PLCXD2: variants seen among roughly 807,000 people sequenced by gnomAD.
The protein encoded by PLCXD2 is phosphatidylinositol specific phospholipase C X domain containing 2.
Under a neutral mutation model 28.6 loss-of-function variants are expected in PLCXD2, and 21 were observed. The observed-to-expected ratio is 0.73, with a 90% CI of 0.52 to 1.06. The LOEUF is 1.06. Ranked by LOEUF, PLCXD2 falls within the 50% of genes least tolerant of loss-of-function variation. The pLI, the probability that PLCXD2 is intolerant of heterozygous loss-of-function variation, is 0.00. For missense variants in PLCXD2, 369 were observed against 376.7 expected (o/e 0.98, Z 0.17); for synonymous variants, 140 against 150.1 (o/e 0.93, Z 0.49).
chr3:111,697,034 G>A (rs1559794073), intron 1 of PLCXD2, among the ~76,000 whole-genome samples: 1 of 152,036 alleles, frequency 6.6e-6, no homozygotes, highest in Non-Finnish European at 1.5e-5. Context: ...ACATAGACAT[G>A]CACATAAATA....
intron 1 of PLCXD2, among the ~76,000 whole-genome samples, chr3:111,693,552 AC>A (rs1383579907): frequency 6.6e-6 from 1 of 152,198 alleles, no homozygotes; most frequent in Non-Finnish European, 1.5e-5. Flanking sequence ...TATTGTAGTT[AC>A]TTCAATAGTA....
chr3:111,725,888 T>G (rs1211655386), intron 3 of PLCXD2: 1 of 398,464 alleles, frequency 2.5e-6, no homozygotes, highest in African/African-American at 2.1e-5. Flanking sequence ...CTCCTGGCCA[T>G]TCTCCATCAT....
intron 2 of PLCXD2, among the ~76,000 whole-genome samples, chr3:111,709,985 C>T (rs1215473202): frequency 6.6e-6 from 1 of 152,080 alleles, no homozygotes; most frequent in Non-Finnish European, 1.5e-5. Context: ...CTGTTAGTGG[C>T]AAGTGGTCAG....
chr3:111,687,684 C>CTTTTTTT (rs5851776), intron 1 of PLCXD2, among the ~76,000 whole-genome samples: 7 of 137,312 alleles, frequency 5.1e-5, no homozygotes, highest in Admixed American at 7.3e-5. Context: ...TTCTTTCTTT[C>CTTTTTTT]TTTTTTTTTT....
intron 3 of PLCXD2, among the ~76,000 whole-genome samples, chr3:111,716,519 T>C (rs1179206737): frequency 6.6e-6 from 1 of 152,188 alleles, no homozygotes; most frequent in Non-Finnish European, 1.5e-5. Flanking sequence ...TCAATTTCCA[T>C]GGTGGTTTCT....
At chr3:111,719,990 G>A (rs1167199630) in intron 3 of PLCXD2, among the ~76,000 whole-genome samples, 1 of 152,178 alleles carries the variant, frequency 6.6e-6, no homozygotes, top group Non-Finnish European at 1.5e-5. Context: ...GATGCTTGCA[G>A]TTGGAATATG....
At chr3:111,706,274 C>T (rs567227814) in intron 1 of PLCXD2, among the ~76,000 whole-genome samples, 23 of 152,226 alleles carry the variant, frequency 1.5e-4, no homozygotes, top group Non-Finnish European at 2.5e-4. Context: ...GGATATTAGT[C>T]CTTTGTAAGA....
At chr3:111,718,141 G>C (rs1941295276) in intron 3 of PLCXD2, among the ~76,000 whole-genome samples, 1 of 152,054 alleles carries the variant, frequency 6.6e-6, no homozygotes, top group Admixed American at 6.5e-5. Context: ...CCCTGGGAGG[G>C]TGATCTTTTA....
chr3:111,696,231 A>C (rs2107851367), intron 1 of PLCXD2, among the ~76,000 whole-genome samples: 1 of 152,220 alleles, frequency 6.6e-6, no homozygotes, highest in South Asian at 2.1e-4. Flanking sequence ...GTTTGCACAG[A>C]TTGTCTTCTG....
Position 111,707,949 on chromosome 3 carries a change from T to C in PLCXD2, c.187T>C (p.Trp63Arg). The stretch of plus-strand genomic sequence containing the variant: ...AGGCTCACATGATTCATTCAGCTAC[T>C]GGGTGGATGAAAAGTCCCCAGTGGG... The change falls in exon 2 of 5, where the codon TGG (tryptophan) becomes CGG (arginine). Residue 63 changes from tryptophan (W) to arginine (R), a missense_variant. By Grantham distance (101) the Trp-to-Arg change is moderately radical. Transcript: ENST00000477665. 1 of 1,613,968 alleles carries C rather than the reference T, an allele frequency of 6.2e-7. No individual in the cohort carries two copies. Among genetic ancestry groups the C allele is most frequent in the Non-Finnish European group, 8.5e-7 (1 of 1,179,914 alleles).
chr3:111,697,166 T>TA (rs575022618), intron 1 of PLCXD2, among the ~76,000 whole-genome samples: 241 of 152,240 alleles, frequency 1.6e-3, no homozygotes, highest in African/African-American at 5.3e-3. Context: ...ACTACTTAAA[T>TA]AAAAAAATCC....
intron 1 of PLCXD2, among the ~76,000 whole-genome samples, chr3:111,700,020 C>G (rs1941018692): frequency 6.6e-6 from 1 of 152,202 alleles, no homozygotes; most frequent in East Asian, 1.9e-4. Context: ...AAACTATAAT[C>G]TTACATTTGT....
In PLCXD2 at chr3:111,708,382, G is replaced by T; in HGVS notation, c.620G>T (p.Cys207Phe). ...CTGCGAACTCTGTGGGAGAAGAACT[G>T]CCAGGTAGGAGGGAAGGAGAGATAA... is the stretch of plus-strand genomic sequence containing the variant. The change falls in exon 2 of 5, where the codon TGC (cysteine) becomes TTC (phenylalanine). Residue 207 changes from cysteine to phenylalanine, a missense_variant. Transcript: ENST00000477665. 6.2e-7 allele frequency: 1 copy of T among 1,612,680 alleles called. No individual in the cohort carries two copies. The highest frequency in any genetic ancestry group is 8.5e-7 in the Non-Finnish European group (1 of 1,179,348).
chr3:111,725,635 A>G (rs1049853994), intron 3 of PLCXD2: 1 of 398,490 alleles, frequency 2.5e-6, no homozygotes, highest in Non-Finnish European at 4.4e-6. Flanking sequence ...GACACTATAC[A>G]AATAATTCAA....
intron 3 of PLCXD2, chr3:111,722,416 T>A (rs1941359297): frequency 6.6e-6 from 1 of 152,082 alleles, no homozygotes; most frequent in South Asian, 2.1e-4. Context: ...CATGTGTGGA[T>A]GTGGTCTAGA....
intron 1 of PLCXD2, among the ~76,000 whole-genome samples, chr3:111,697,296 C>T (rs1488670444): frequency 1.3e-5 from 2 of 152,132 alleles, no homozygotes; most frequent in Admixed American, 6.5e-5. Flanking sequence ...CATTAGCGCT[C>T]TCAACTTACC....
In PLCXD2 at chr3:111,674,966, G is replaced by A; in HGVS notation, c.-280G>A. ...CAGTTTATGTAAGATTTATCTCTAG[G>A]GGCCTACCTTCCCCCATCTCCAGAG... On this transcript the variant is annotated 5_prime_UTR_variant, in exon 1 of 5. Transcript: ENST00000477665. 1 of 392,872 alleles carries A rather than the reference G, an allele frequency of 2.5e-6. No individual in the cohort carries two copies. Among genetic ancestry groups the A allele is most frequent in the Non-Finnish European group, 4.6e-6 (1 of 219,756 alleles). The allele number at this position is 392,872 out of a possible 1,614,324, so 24.3% of individuals were successfully genotyped here.
chr3:111,703,448 A>G (rs1371280396), intron 1 of PLCXD2, among the ~76,000 whole-genome samples: 3 of 152,164 alleles, frequency 2.0e-5, no homozygotes, highest in Admixed American at 2.0e-4. Context: ...AAAGTGTTGG[A>G]GGTTGTTAGC....
intron 1 of PLCXD2, among the ~76,000 whole-genome samples, chr3:111,700,287 C>T (rs1034365294): frequency 3.3e-4 from 50 of 152,016 alleles, no homozygotes; most frequent in Admixed American, 6.6e-4. Context: ...AAAGAAACAC[C>T]GTTAATGACT....
Sources: gnomAD v4.1 joint callset for allele counts (sites outside exome capture counted in the v4.1 genomes callset) on GRCh38, gnomAD v4.1.1 for gene constraint, MANE v1.5 for transcripts, NCBI Gene and HGNC (gene_info 2026-07-23, HGNC 2026-07-21) for gene names.